The following LRP6 variants were observed in gnomAD, a reference collection of about 807,000 sequenced individuals.
LRP6 encodes LDL receptor related protein 6.
Under a neutral mutation model 184.1 loss-of-function variants are expected in LRP6, and 43 were observed. That is an observed-to-expected ratio of 0.23 (90% confidence interval 0.18 to 0.30). The LOEUF (loss-of-function observed/expected upper bound fraction) is 0.30, where lower values mean the gene tolerates loss of function less well. Ranked by LOEUF, LRP6 falls within the 10% of genes least tolerant of loss-of-function variation. The pLI, the probability that LRP6 is intolerant of heterozygous loss-of-function variation, is 1.00. For missense variants in LRP6, 1,571 were observed against 2,005.3 expected (o/e 0.78, Z 4.14); for synonymous variants, 719 against 684.9 (o/e 1.05, Z -0.78).
chr12:12,180,156 TAA>T (rs1335149545), intron 6 of LRP6, among the ~76,000 whole-genome samples, 175 bp from the exon 7 acceptor site: 1 of 149,678 alleles, frequency 6.7e-6, no homozygotes, highest in Non-Finnish European at 1.5e-5. Flanking sequence ...CAGCAATATA[TAA>T]GATTGTGGGA....
chr12:12,197,895 T>C (rs557543417), intron 3 of LRP6, among the ~76,000 whole-genome samples: 25 of 152,180 alleles, frequency 1.6e-4, no homozygotes, highest in African/African-American at 6.0e-4. Flanking sequence ...ATACAAAAAA[T>C]TAGTCAGGTG....
intron 12 of LRP6, among the ~76,000 whole-genome samples, chr12:12,153,749 C>T (rs998126860): frequency 2.0e-5 from 3 of 152,322 alleles, no homozygotes; most frequent in East Asian, 3.9e-4. Flanking sequence ...GCTTTAACAA[C>T]GACCTCATCT....
intron 2 of LRP6, among the ~76,000 whole-genome samples, chr12:12,224,108 T>C (rs1244013066): frequency 3.3e-5 from 5 of 152,222 alleles, no homozygotes; most frequent in Non-Finnish European, 7.3e-5. Flanking sequence ...GAGGTTGTTT[T>C]ATACATCTCT....
chr12:12,266,842 C>G lies in LRP6; in HGVS notation c.-107G>C. 1.1e-6 allele frequency: 1 copy of G among 880,850 alleles called. No individual in the cohort carries two copies. The highest frequency in any genetic ancestry group is 1.9e-6 in the Non-Finnish European group (1 of 535,616). The allele number at this position is 880,850 out of a possible 1,614,324, so 54.6% of individuals were successfully genotyped here. On this transcript the variant is annotated 5_prime_UTR_variant, in exon 1 of 23. Transcript: ENST00000261349. The stretch of plus-strand genomic sequence containing the variant: ...GCGGCAGGGCTGCACGCTCATACTT[C>G]CCAGCTTCCCAGCGAGAGAAGAAAG...
intron 2 of LRP6, among the ~76,000 whole-genome samples, chr12:12,238,937 C>CA (rs932814755): frequency 2.6e-5 from 4 of 151,806 alleles, no homozygotes; most frequent in Admixed American, 6.6e-5. Context: ...AAAAAAAACA[C>CA]AAAAAACAAA....
At chr12:12,174,600 T>C (rs1863124984) in intron 7 of LRP6, among the ~76,000 whole-genome samples, 1 of 152,218 alleles carries the variant, frequency 6.6e-6, no homozygotes, top group African/African-American at 2.4e-5. Context: ...CAGGTTCCTA[T>C]ATGTTTTTAA....
At chr12:12,164,817 G>C (rs1862828326) in intron 8 of LRP6, among the ~76,000 whole-genome samples, 1 of 147,832 alleles carries the variant, frequency 6.8e-6, no homozygotes, top group South Asian at 2.1e-4. Context: ...CTATCAGACT[G>C]AATTCTTTTG....
intron 1 of LRP6, among the ~76,000 whole-genome samples, chr12:12,266,094 T>G (rs762820826): frequency 2.0e-5 from 3 of 152,152 alleles, no homozygotes; most frequent in Non-Finnish European, 4.4e-5. Flanking sequence ...AGGCTCCCAA[T>G]GCTGAAACGC....
At chr12:12,234,234 C>T (rs1343925317) in intron 2 of LRP6, among the ~76,000 whole-genome samples, 1 of 151,932 alleles carries the variant, frequency 6.6e-6, no homozygotes, top group Non-Finnish European at 1.5e-5. Context: ...TTGCCGTGAG[C>T]CAAGATCGCA....
At chr12:12,239,876 T>C (rs937325934) in intron 2 of LRP6, among the ~76,000 whole-genome samples, 7 of 151,944 alleles carry the variant, frequency 4.6e-5, no homozygotes, top group African/African-American at 1.7e-4. Context: ...CTTCAATAAA[T>C]GCTAGGAGAT....
chr12:12,219,513 C>T (rs929054700), intron 2 of LRP6, among the ~76,000 whole-genome samples: 5 of 152,078 alleles, frequency 3.3e-5, no homozygotes, highest in Non-Finnish European at 5.9e-5. Flanking sequence ...AACTGTCCTC[C>T]GCTTTTGTAT....
intron 2 of LRP6, among the ~76,000 whole-genome samples, chr12:12,220,009 G>A (rs1051330603): frequency 2.0e-5 from 3 of 152,114 alleles, no homozygotes; most frequent in Non-Finnish European, 2.9e-5. Context: ...CCTTCCAGCT[G>A]GGCACGGTGG....
chr12:12,180,905 A>G (rs1827015864), intron 6 of LRP6, 138 bp downstream of exon 6: 6 of 877,022 alleles, frequency 6.8e-6, no homozygotes, highest in Non-Finnish European at 1.1e-5. Context: ...TCTAATCACC[A>G]TATCCTAAAA....
At chr12:12,209,959 T>A (rs1864165798) in intron 2 of LRP6, among the ~76,000 whole-genome samples, 1 of 152,172 alleles carries the variant, frequency 6.6e-6, no homozygotes, top group Non-Finnish European at 1.5e-5. Context: ...AGAGAAAGTA[T>A]GTATTTTACT....
At chr12:12,193,930 C>T (rs1863682673) in intron 3 of LRP6, among the ~76,000 whole-genome samples, 1 of 151,986 alleles carries the variant, frequency 6.6e-6, no homozygotes, top group African/African-American at 2.4e-5. Flanking sequence ...CTATTAAAGA[C>T]ATAAAAATCC....
At chr12:12,226,648 A>C (rs990254827) in intron 2 of LRP6, 1 of 152,254 alleles carries the variant, frequency 6.6e-6, no homozygotes, top group African/African-American at 2.4e-5. Flanking sequence ...AAGACTGAAA[A>C]AAAGGGAACA....
At chr12:12,162,846 T>C (rs909332567) in intron 9 of LRP6, among the ~76,000 whole-genome samples, 2 of 152,220 alleles carry the variant, frequency 1.3e-5, no homozygotes, top group African/African-American at 4.8e-5. Flanking sequence ...ATTATAGCAC[T>C]GAGTCCCATA....
intron 7 of LRP6, among the ~76,000 whole-genome samples, chr12:12,175,645 C>A (rs148518083): frequency 6.6e-6 from 1 of 151,562 alleles, no homozygotes; most frequent in Admixed American, 6.6e-5. Flanking sequence ...GAGCCGAGAT[C>A]GCGCCACTGC....
At chr12:12,182,709 C>T (rs1863372569) in intron 5 of LRP6, among the ~76,000 whole-genome samples, 1 of 152,210 alleles carries the variant, frequency 6.6e-6, no homozygotes, top group Admixed American at 6.5e-5. Context: ...CCAAATGCCA[C>T]TGCAGGAACC....
Sources: allele counts gnomAD v4.1 joint callset (sites outside exome capture counted in the v4.1 genomes callset), GRCh38; gene constraint gnomAD v4.1.1; transcripts MANE v1.5; gene names NCBI Gene and HGNC (gene_info 2026-07-23, HGNC 2026-07-21).